The following OAT variants were observed in gnomAD, a reference collection of about 807,000 sequenced individuals.
The protein encoded by OAT is ornithine aminotransferase.
In OAT, 35 loss-of-function variants were observed where a neutral mutation model predicts 48.4. The ratio of observed to expected loss-of-function variants is 0.72; its 90% confidence interval spans 0.55 to 0.96. OAT has a LOEUF of 0.96. OAT is among the 40% of genes least tolerant of loss of function. The pLI, the probability that OAT is intolerant of heterozygous loss-of-function variation, is 0.00. For synonymous variants in OAT, 182 were observed against 198.4 expected (o/e 0.92, Z 0.70); for missense variants, 438 against 537.9 (o/e 0.81, Z 1.84).
chr10:124,401,916 C>A (rs762010338), intron 7 of OAT, 77 bp from the exon 8 acceptor site: 10 of 1,092,832 alleles, frequency 9.2e-6, no homozygotes, highest in Non-Finnish European at 4.1e-6. Context: ...CAGAGTCTCG[C>A]TGTCACCCAG....
At chr10:124,416,044 T>C (rs1045106547) in intron 1 of OAT, among the ~76,000 whole-genome samples, 6 of 152,240 alleles carry the variant, frequency 3.9e-5, no homozygotes, top group African/African-American at 1.4e-4. Flanking sequence ...TTGGTTATTT[T>C]TTCTATGCAT....
At position 124,399,335 on chromosome 10, in the gene OAT, A is replaced by ATTTTTTTTTTTTTTT. The variant is rs1427092729; in HGVS notation, c.1160-1234_1160-1233insAAAAAAAAAAAAAAA. Among the ~76,000 whole-genome samples, 2 of 100,376 alleles carry ATTTTTTTTTTTTTTT rather than the reference A, an allele frequency of 2.0e-5. 1 individual carries two copies. The highest frequency in any genetic ancestry group is 7.2e-5 in the African/African-American group (2 of 27,762). 65.9% of individuals were successfully genotyped at this position (100,376 alleles called of 152,430 possible). On this transcript the variant is annotated intron_variant, in intron 9 of 9. Transcript: ENST00000368845. ...ATTTTTTTAAGAAGCTCCCCAGGTGATTCTTTTTTTTTTTTTTTTTTTTTT... is the reference window on the plus strand; with the variant it reads ...ATTTTTTTAAGAAGCTCCCCAGGTGATTTTTTTTTTTTTTTTTCTTTTTTTTTTTTTTTTTTTTTT...
In OAT at chr10:124,405,470, T is replaced by G. The variant is rs375157197; in HGVS notation, c.614A>C (p.Asp205Ala). ...GGGCAGATCATTATAGGGAATGATG[T>G]CGAATCCCGGCATAAATGGTCCAAA... is the stretch of plus-strand genomic sequence containing the variant. ...DGFGPFMPGF[D>A]IIPYNDLPAL... Residue 205 changes from aspartate to alanine, a missense_variant, in exon 5 of 10, where the codon GAC becomes GCC. By Grantham distance (126) the Asp-to-Ala change is moderately radical. Coordinates refer to ENST00000368845, the MANE Select transcript of OAT (RefSeq NM_000274.4). 106 of 1,614,038 alleles carry G rather than the reference T, an allele frequency of 6.6e-5. No homozygotes were observed. The highest frequency in any genetic ancestry group is 8.6e-5 in the Non-Finnish European group (101 of 1,180,002).
intron 5 of OAT, 128 bp from the exon 6 acceptor site, chr10:124,404,048 C>T (rs903669777): frequency 3.7e-6 from 4 of 1,080,748 alleles, no homozygotes; most frequent in Non-Finnish European, 5.5e-6. Context: ...TAAATTCTGA[C>T]TTCAAATTCA....
chr10:124,400,385 T>C (rs953394540), intron 9 of OAT, among the ~76,000 whole-genome samples: 1 of 148,282 alleles, frequency 6.7e-6, no homozygotes, highest in Non-Finnish European at 1.5e-5. Flanking sequence ...GCATCGGAAG[T>C]TGCAGTCAGC....
At chr10:124,404,446 AT>A (rs1435823969) in intron 5 of OAT, among the ~76,000 whole-genome samples, 1 of 150,884 alleles carries the variant, frequency 6.6e-6, no homozygotes, top group Non-Finnish European at 1.5e-5. Context: ...TTTTTTTTGT[AT>A]TTTTAGTAGA....
At chr10:124,417,566 T>C (rs936292187) in intron 1 of OAT, among the ~76,000 whole-genome samples, 2 of 152,142 alleles carry the variant, frequency 1.3e-5, no homozygotes, top group African/African-American at 4.8e-5. Context: ...ATTACACAGG[T>C]GTGAGCCACC....
At position 124,399,480 on chromosome 10, in the gene OAT, G is replaced by C. The variant is rs553928182; in HGVS notation, c.1159+1360C>G. Among the ~76,000 whole-genome samples, 340 of 151,710 alleles carry C rather than the reference G, an allele frequency of 2.2e-3. 2 individuals carry two copies. The highest frequency in any genetic ancestry group is 7.7e-3 in the South Asian group (37 of 4,778). ...CCTGCCTCAGCCTCCTGAGTAGCTG[G>C]GACTACAGGCACCCACCACCTCGCC... On this transcript the variant is annotated intron_variant, in intron 9 of 9. Coordinates refer to ENST00000368845, the MANE Select transcript of OAT (RefSeq NM_000274.4).
At position 124,408,537 on chromosome 10, in the gene OAT, C is replaced by T; in HGVS notation, c.520+5G>A. Reference sequence around the variant, plus strand: ...TCATAGAAGTTAATATTTAATTTCACATACCTGCAAAAACAATCTTTGCTT... The same window carrying T: ...TCATAGAAGTTAATATTTAATTTCATATACCTGCAAAAACAATCTTTGCTT... On this transcript the variant is annotated splice_donor_5th_base_variant and intron_variant, in intron 4 of 9. Transcript: ENST00000368845. The T allele has an allele frequency of 1.2e-6, 2 of 1,603,636 alleles. No homozygotes were observed. Among genetic ancestry groups the T allele is most frequent in the Non-Finnish European group, 1.7e-6 (2 of 1,172,702 alleles).
At chr10:124,401,067 A>G in intron 8 of OAT, 83 bp from the exon 9 acceptor site, 1 of 938,036 alleles carries the variant, frequency 1.1e-6, no homozygotes, top group Non-Finnish European at 1.7e-6. Context: ...TAAACACAGG[A>G]AAAACATGAC....
chr10:124,404,237 C>T (rs540497582), intron 5 of OAT, among the ~76,000 whole-genome samples: 7 of 151,542 alleles, frequency 4.6e-5, no homozygotes, highest in South Asian at 2.1e-4. Context: ...CAAGTAGCTG[C>T]GCACCATGCC....
In OAT at chr10:124,414,645, T is replaced by C. The variant is rs543518574; in HGVS notation, c.-29-2445A>G. ...ACTACTGCTAAGTCTAAAACACTCA[T>C]GTATGATTTCTTTCTTGGACTCTTT... On this transcript the variant is annotated intron_variant, in intron 1 of 9. Coordinates refer to ENST00000368845, the MANE Select transcript of OAT (RefSeq NM_000274.4). 7.9e-4 allele frequency among the ~76,000 whole-genome samples: 120 copies of C among 152,300 alleles called. 3 individuals are homozygous for C. The South Asian group carries it at 0.017, about 22-fold the overall frequency.
intron 1 of OAT, among the ~76,000 whole-genome samples, chr10:124,415,676 A>C (rs1328412514): frequency 1.3e-5 from 2 of 152,194 alleles, no homozygotes. Context: ...CAAGCGGAAA[A>C]TCCCGAGTTT....
At chr10:124,415,394 G>T (rs1951888658) in intron 1 of OAT, among the ~76,000 whole-genome samples, 4 of 152,152 alleles carry the variant, frequency 2.6e-5, no homozygotes, top group Admixed American at 6.5e-5. Context: ...GCCTCAGGAA[G>T]AGGTGGGACT....
At chr10:124,403,663 T>C (rs1951484252) in intron 6 of OAT, 135 bp downstream of exon 6, 8 of 1,259,140 alleles carry the variant, frequency 6.4e-6, no homozygotes, top group African/African-American at 1.5e-5. Context: ...CATCGCCCTC[T>C]AGTGGAAAGT....
intron 4 of OAT, chr10:124,407,292 A>G: frequency 1.0e-6 from 1 of 985,510 alleles, no homozygotes. Context: ...CTGCAGGTAT[A>G]AGGGACTTAC....
rs11818278 is a variant in OAT, at chr10:124,403,233, G to C, written c.772-178C>G. 8,186 of 694,842 alleles carry C rather than the reference G, an allele frequency of 0.012. 478 individuals carry two copies. In the African/African-American group the frequency reaches 0.13, roughly 11 times the overall value. The allele number at this position is 694,842 out of a possible 1,614,324, so 43.0% of individuals were successfully genotyped here. ...AAGAGTATCCTATAAGAATCTTGTAGACTCACCAACTATTTCCTTTGTCAG... is the reference window on the plus strand; with the variant it reads ...AAGAGTATCCTATAAGAATCTTGTACACTCACCAACTATTTCCTTTGTCAG... On this transcript the variant is annotated intron_variant, in intron 6 of 9. Coordinates refer to ENST00000368845, the MANE Select transcript of OAT (RefSeq NM_000274.4).
intron 2 of OAT, among the ~76,000 whole-genome samples, chr10:124,411,416 T>C (rs1189260105): frequency 6.6e-6 from 1 of 152,184 alleles, no homozygotes; most frequent in African/African-American, 2.4e-5. Flanking sequence ...TGATAGTACT[T>C]TCCTTATTTC....
intron 1 of OAT, chr10:124,414,821 C>CCTAT (rs1951868539): frequency 6.6e-6 from 1 of 152,004 alleles, no homozygotes; most frequent in African/African-American, 2.4e-5. Flanking sequence ...GTGGCTCACG[C>CCTAT]CTATAATCCC....
Sources: gnomAD v4.1 joint callset for allele counts (sites outside exome capture counted in the v4.1 genomes callset) on GRCh38, gnomAD v4.1.1 for gene constraint, MANE v1.5 for transcripts, NCBI Gene and HGNC (gene_info 2026-07-23, HGNC 2026-07-21) for gene names.